The following ANKHD1 variants were observed in gnomAD, a reference collection of about 807,000 sequenced individuals.
ANKHD1 encodes the protein ankyrin repeat and KH domain containing 1, also known as ankyrin repeat and KH domain-containing protein 1.
ANKHD1 carries 31 observed loss-of-function variants against 230.5 expected under a neutral mutation model. The ratio of observed to expected loss-of-function variants is 0.13; its 90% CI spans 0.10 to 0.18. The LOEUF is 0.18. ANKHD1 is among the 10% of genes least tolerant of loss of function. The pLI, the probability that ANKHD1 is intolerant of heterozygous loss-of-function variation, is 1.00. For synonymous variants in ANKHD1, 1,074 were observed against 1,117.6 expected (o/e 0.96, Z 0.78); for missense variants, 2,256 against 3,071.3 (o/e 0.73, Z 6.27).
rs558352866 is a variant in ANKHD1, at chr5:140,537,091, G to T, written c.7028-298G>T. On this transcript the variant is annotated intron_variant, in intron 30 of 33. Coordinates refer to ENST00000360839, the MANE Select transcript of ANKHD1 (RefSeq NM_017747.3). ...TAGAGCTAGAATAAAAACAAATGTGGCCTGCTTCCTTTCTAGCATTGTTTA... is the reference window on the plus strand; with the variant it reads ...TAGAGCTAGAATAAAAACAAATGTGTCCTGCTTCCTTTCTAGCATTGTTTA... The T allele has an allele frequency of 1.7e-3, 355 of 212,142 alleles. 2 individuals carry two copies. The highest frequency in any genetic ancestry group is 2.8e-3 in the Non-Finnish European group (311 of 111,582). The allele number at this position is 212,142 out of a possible 1,614,324, so 13.1% of individuals were successfully genotyped here.
At chr5:140,449,397 G>T in intron 7 of ANKHD1, 92 bp downstream of exon 7, 1 of 1,412,064 alleles carries the variant, frequency 7.1e-7, no homozygotes, top group Non-Finnish European at 9.6e-7. Flanking sequence ...CAGTGCGGTG[G>T]CTCACGCCTG....
At chr5:140,534,837 A>G (rs2127098767) in intron 29 of ANKHD1, among the ~76,000 whole-genome samples, 1 of 152,336 alleles carries the variant, frequency 6.6e-6, no homozygotes. Context: ...GCAACTGTTG[A>G]TATTTTCTAT....
intron 14 of ANKHD1, among the ~76,000 whole-genome samples, chr5:140,488,459 G>A (rs1751606108): frequency 2.6e-5 from 4 of 151,972 alleles, no homozygotes; most frequent in Admixed American, 2.6e-4. Flanking sequence ...GTTGGTGGGT[G>A]CCTGTAATTC....
At position 140,512,837 on chromosome 5, in the gene ANKHD1, A is replaced by G; in HGVS notation, c.4114A>G (p.Lys1372Glu). 1 of 1,599,378 alleles carries G rather than the reference A, an allele frequency of 6.3e-7. No homozygotes were observed. The highest frequency in any genetic ancestry group is 8.5e-7 in the Non-Finnish European group (1 of 1,175,318). Residue 1372 changes from lysine to glutamate, a missense_variant, in exon 23 of 34, where the codon AAA becomes GAA. This residue lies in a region of ANKHD1 where 195 missense variants were observed against 340.3 expected (regional missense o/e 0.57). Coordinates refer to ENST00000360839, the MANE Select transcript of ANKHD1 (RefSeq NM_017747.3). ...GTTGTACTTCTTATAGGGTCATGTAAAAGTTGTTCAATATTTGGTAAAGGA... is the reference window on the plus strand; with the variant it reads ...GTTGTACTTCTTATAGGGTCATGTAGAAGTTGTTCAATATTTGGTAAAGGA... ...LMSAFRKGHVKVVQYLVKEVN... is the reference protein window; with the variant it reads ...LMSAFRKGHVEVVQYLVKEVN...
chr5:140,458,772 C>T lies in ANKHD1; in HGVS notation c.1390C>T (p.Leu464Phe), dbSNP rs746830674. Residue 464 changes from leucine to phenylalanine, a missense_variant, in exon 8 of 34, where the codon CTT (leucine) becomes TTT (phenylalanine). Physicochemically the swap from Leu to Phe is conservative, Grantham distance 22. Transcript: ENST00000360839. ...AALLIERGAN[L>F]EEVNDEGYTP... ...TCTACTTATTGAAAGGGGAGCAAAT[C>T]TTGAAGAAGTTAATGATGAAGGATA... 29 of 1,612,840 alleles carry T rather than the reference C, an allele frequency of 1.8e-5. 1 individual carries two copies. In the South Asian group the frequency reaches 3.1e-4, roughly 17 times the overall value.
chr5:140,433,613 C>T lies in ANKHD1; in HGVS notation c.307-2491C>T, dbSNP rs188605013. 4.6e-4 allele frequency among the ~76,000 whole-genome samples: 70 copies of T among 152,100 alleles called. 1 individual carries two copies. The highest frequency in any genetic ancestry group is 6.8e-3 in the Middle Eastern group (2 of 294). On this transcript the variant is annotated intron_variant, in intron 1 of 33. Coordinates refer to ENST00000360839, the MANE Select transcript of ANKHD1 (RefSeq NM_017747.3). Reference sequence around the variant, plus strand: ...TTTTGTAATAGTTGTTGGAGTCTTTCTTATTTCTTCTACCACATTTTTGTA... The same window carrying T: ...TTTTGTAATAGTTGTTGGAGTCTTTTTTATTTCTTCTACCACATTTTTGTA...
intron 33 of ANKHD1, 23 bp from the exon 34 acceptor site, chr5:140,539,336 C>T (rs371402594): frequency 6.2e-7 from 1 of 1,611,920 alleles, no homozygotes; most frequent in Non-Finnish European, 8.5e-7. Flanking sequence ...TTAGAAATTC[C>T]AATTTTTCCT....
At chr5:140,427,943 C>T (rs1772667078) in intron 1 of ANKHD1, among the ~76,000 whole-genome samples, 1 of 151,832 alleles carries the variant, frequency 6.6e-6, no homozygotes, top group African/African-American at 2.4e-5. Flanking sequence ...GGCAGAGGGT[C>T]TCCTCACTTC....
intron 9 of ANKHD1, among the ~76,000 whole-genome samples, chr5:140,460,994 G>C (rs541593223): frequency 9.9e-5 from 15 of 152,264 alleles, no homozygotes; most frequent in African/African-American, 3.6e-4. Flanking sequence ...TTCTCTGCTA[G>C]TGGTTATCTT....
chr5:140,498,294 A>G (rs1321091831), intron 15 of ANKHD1: 1 of 152,120 alleles, frequency 6.6e-6, no homozygotes, highest in African/African-American at 2.4e-5. Flanking sequence ...CAATTATGCT[A>G]TCTCAGTTTC....
intron 24 of ANKHD1, among the ~76,000 whole-genome samples, chr5:140,522,120 C>A (rs1274849261): frequency 6.6e-6 from 1 of 152,214 alleles, no homozygotes; most frequent in Middle Eastern, 3.2e-3. Context: ...CCCATTCCCC[C>A]ACTGCAATCC....
Position 140,487,069 on chromosome 5 carries a change from T to C in ANKHD1, c.2245+9T>C, listed in dbSNP as rs771319419. ...TTTAGGAGTGCAAAAAGGTTAGTTA[T>C]TGAATTATTTTTCTTAAAATGGGTA... On this transcript the variant is annotated intron_variant, in intron 14 of 33. Transcript: ENST00000360839. 3 of 1,599,664 alleles carry C rather than the reference T, an allele frequency of 1.9e-6. No homozygotes were observed. Among genetic ancestry groups the C allele is most frequent in the Non-Finnish European group, 2.6e-6 (3 of 1,175,118 alleles).
At chr5:140,499,930 T>G (rs1044257579) in intron 15 of ANKHD1, among the ~76,000 whole-genome samples, 6 of 151,708 alleles carry the variant, frequency 4.0e-5, no homozygotes, top group Admixed American at 3.9e-4. Context: ...GTGCAGTGGC[T>G]TGATCTCGGC....
intron 9 of ANKHD1, among the ~76,000 whole-genome samples, chr5:140,461,753 T>C (rs1775717669): frequency 6.6e-6 from 1 of 152,194 alleles, no homozygotes; most frequent in South Asian, 2.1e-4. Context: ...AGTGTTAATA[T>C]TCAGTATTTA....
intron 24 of ANKHD1, among the ~76,000 whole-genome samples, chr5:140,522,454 G>C (rs549026306): frequency 6.6e-6 from 1 of 152,092 alleles, no homozygotes; most frequent in Non-Finnish European, 1.5e-5. Context: ...TCTCTCTTTA[G>C]CTTACTACGT....
intron 14 of ANKHD1, among the ~76,000 whole-genome samples, chr5:140,487,361 A>AT (rs1274446948): frequency 6.6e-6 from 1 of 152,196 alleles, no homozygotes; most frequent in African/African-American, 2.4e-5. Context: ...TCAGACATTC[A>AT]TTTTTCATTT....
Position 140,496,443 on chromosome 5 carries a change from CTTTTTTTTTTTTCTTTTCTTT to C in ANKHD1, c.2246-64_2246-44del. ...GTGTGTGGGAGGGGAGGCTGGTTTT[CTTTTTTTTTTTTCTTTTCTTT>C]TTTTTTTTTTTTTTTTTTAGCATGG... On this transcript the variant is annotated intron_variant, in intron 14 of 33. Coordinates refer to ENST00000360839, the MANE Select transcript of ANKHD1 (RefSeq NM_017747.3). 6 of 718,942 alleles carry C rather than the reference CTTTTTTTTTTTTCTTTTCTTT, an allele frequency of 8.3e-6. No homozygotes were observed. In the East Asian group the frequency reaches 1.7e-4, roughly 20 times the overall value. 44.5% of individuals were successfully genotyped at this position (718,942 alleles called of 1,614,324 possible).
intron 2 of ANKHD1, among the ~76,000 whole-genome samples, chr5:140,437,581 C>T (rs764485380): frequency 5.9e-5 from 9 of 152,178 alleles, no homozygotes; most frequent in Non-Finnish European, 7.3e-5. Flanking sequence ...CGGCGCACCC[C>T]TGTAATCCCA....
chr5:140,512,046 G>A (rs1366401394), intron 22 of ANKHD1, among the ~76,000 whole-genome samples: 1 of 152,048 alleles, frequency 6.6e-6, no homozygotes, highest in Non-Finnish European at 1.5e-5. Flanking sequence ...GACCAGCCTG[G>A]CCAACATGGT....
Sources: gnomAD v4.1 joint callset for allele counts (sites outside exome capture counted in the v4.1 genomes callset) on GRCh38, gnomAD v4.1.1 for gene constraint, gnomAD v4.1.1 regional missense constraint, MANE v1.5 for transcripts, NCBI Gene and HGNC (gene_info 2026-07-23, HGNC 2026-07-21) for gene names.